Variants in NAALADL2 observed in about 807,000 individuals in gnomAD.
NAALADL2 encodes the protein inactive N-acetylated-alpha-linked acidic dipeptidase-like protein 2.
Under a neutral mutation model 87.2 loss-of-function variants are expected in NAALADL2, and 76 were observed. That is an observed-to-expected ratio of 0.87 (90% confidence interval 0.72 to 1.05). The LOEUF (loss-of-function observed/expected upper bound fraction) is 1.05, where lower values mean the gene tolerates loss of function less well. Among genes scored for constraint, NAALADL2 ranks in the 50% least tolerant of loss-of-function variants. The probability of loss-of-function intolerance (pLI) is 0.00; values close to 1 mark genes in which losing one functional copy is unlikely to be tolerated. For missense variants in NAALADL2, 1,089 were observed against 945.8 expected, an observed-to-expected ratio of 1.15 and a Z score of -1.99; for synonymous variants, 354 against 331.0, an observed-to-expected ratio of 1.07 and a Z score of -0.75.
intron 13 of NAALADL2, among the ~76,000 whole-genome samples, chr3:175,756,565 C>T (rs1747286797): frequency 6.6e-6 from 1 of 152,108 alleles, no homozygotes; most frequent in African/African-American, 2.4e-5. Flanking sequence ...AGTGAAATAA[C>T]TCTGAAACAG....
At chr3:174,722,047 A>T (rs1162450124) in intron 2 of NAALADL2, among the ~76,000 whole-genome samples, 1 of 152,178 alleles carries the variant, frequency 6.6e-6, no homozygotes, top group African/African-American at 2.4e-5. Flanking sequence ...GGAGCAAAAG[A>T]AGCCTATGGT....
At chr3:175,729,516 C>T (rs1301523154) in intron 11 of NAALADL2, among the ~76,000 whole-genome samples, 1 of 152,166 alleles carries the variant, frequency 6.6e-6, no homozygotes, top group African/African-American at 2.4e-5. Context: ...AGAAGCCATA[C>T]TTCAACCACT....
intron 11 of NAALADL2, among the ~76,000 whole-genome samples, chr3:175,698,403 G>A (rs1222914432): frequency 1.3e-5 from 1 of 74,250 alleles, no homozygotes; most frequent in Non-Finnish European, 2.4e-5. Flanking sequence ...ATATGTATGT[G>A]TATTTATGTA....
intron 2 of NAALADL2, among the ~76,000 whole-genome samples, chr3:174,700,785 T>C (rs1323724142): frequency 6.6e-6 from 1 of 152,158 alleles, no homozygotes; most frequent in Non-Finnish European, 1.5e-5. Flanking sequence ...TTATATGATA[T>C]AGAGTGACTT....
intron 2 of NAALADL2, among the ~76,000 whole-genome samples, chr3:174,714,617 G>A (rs1047150675): frequency 3.3e-5 from 5 of 152,164 alleles, no homozygotes; most frequent in African/African-American, 4.8e-5. Flanking sequence ...TTATTGTATA[G>A]GAATGCTTGT....
chr3:175,161,784 A>G (rs1733264017), intron 2 of NAALADL2, among the ~76,000 whole-genome samples: 1 of 152,118 alleles, frequency 6.6e-6, no homozygotes, highest in Admixed American at 6.6e-5. Flanking sequence ...ATATTGCCCT[A>G]TCATAAGGAA....
chr3:175,054,269 T>C (rs1041579807), intron 1 of NAALADL2, among the ~76,000 whole-genome samples: 6 of 152,226 alleles, frequency 3.9e-5, no homozygotes, highest in Non-Finnish European at 8.8e-5. Flanking sequence ...TGAAAATGCT[T>C]AGCAGGCTTC....
chr3:174,737,797 A>C (rs770154205), intron 3 of NAALADL2: 2 of 152,174 alleles, frequency 1.3e-5, no homozygotes, highest in Non-Finnish European at 2.9e-5. Context: ...TCTTGAATCA[A>C]CTTTTAATAA....
Position 175,700,484 on chromosome 3 carries a change from T to C in NAALADL2, c.1897-36822T>C, listed in dbSNP as rs191877350. On this transcript the variant is annotated intron_variant, in intron 11 of 13. Transcript: ENST00000454872. ...CTGTTCTGACAAAGGTAACTGCCTT[T>C]TCTGAAATGGAAGAATCTGATGATA... 3.5e-4 allele frequency among the ~76,000 whole-genome samples: 53 copies of C among 152,288 alleles called. 1 individual carries two copies. The East Asian group carries it at 9.7e-3, about 28-fold the overall frequency.
intron 5 of NAALADL2, among the ~76,000 whole-genome samples, chr3:175,446,045 C>T (rs974628551): frequency 2.0e-5 from 3 of 152,142 alleles, no homozygotes; most frequent in Admixed American, 6.5e-5. Flanking sequence ...GATTTATTGA[C>T]TGATGAATTT....
chr3:174,555,756 G>A (rs1712714967), intron 2 of NAALADL2, among the ~76,000 whole-genome samples: 1 of 152,138 alleles, frequency 6.6e-6, no homozygotes, highest in Admixed American at 6.5e-5. Context: ...GGGTATAGGG[G>A]ATGACTTCTC....
intron 9 of NAALADL2, among the ~76,000 whole-genome samples, chr3:175,574,642 G>A (rs1242253284): frequency 6.6e-6 from 1 of 152,088 alleles, no homozygotes; most frequent in African/African-American, 2.4e-5. Flanking sequence ...AATGGAAAAA[G>A]CTTTTTCTCA....
At chr3:175,706,668 G>C (rs918170462) in intron 11 of NAALADL2, among the ~76,000 whole-genome samples, 1 of 152,100 alleles carries the variant, frequency 6.6e-6, no homozygotes, top group Admixed American at 6.6e-5. Flanking sequence ...TACAAATTAT[G>C]TTTGTTGACC....
At chr3:174,882,200 C>T (rs1293516168) in intron 1 of NAALADL2, among the ~76,000 whole-genome samples, 1 of 151,938 alleles carries the variant, frequency 6.6e-6, no homozygotes, top group East Asian at 1.9e-4. Context: ...CACTTGTTCT[C>T]TTTGTATCTC....
At chr3:174,901,915 A>G (rs1174535275) in intron 1 of NAALADL2, among the ~76,000 whole-genome samples, 2 of 152,204 alleles carry the variant, frequency 1.3e-5, no homozygotes, top group Non-Finnish European at 2.9e-5. Context: ...GAAGAACAAG[A>G]GACTGTAAAT....
chr3:175,010,670 GT>G (rs905566990), intron 1 of NAALADL2, among the ~76,000 whole-genome samples: 16 of 152,246 alleles, frequency 1.1e-4, no homozygotes, highest in Admixed American at 9.2e-4. Flanking sequence ...ATGTGAAATA[GT>G]TTTGCTGATG....
At chr3:174,454,129 C>T (rs879827834) in intron 1 of NAALADL2, among the ~76,000 whole-genome samples, 2 of 151,952 alleles carry the variant, frequency 1.3e-5, no homozygotes, top group African/African-American at 4.8e-5. Context: ...TATAAGCCAA[C>T]AAAGATCAAA....
At chr3:174,614,248 T>G (rs1720226371) in intron 2 of NAALADL2, among the ~76,000 whole-genome samples, 1 of 152,166 alleles carries the variant, frequency 6.6e-6, no homozygotes, top group South Asian at 2.1e-4. Flanking sequence ...AGCTGTGCAT[T>G]AGTACTCTCC....
intron 2 of NAALADL2, among the ~76,000 whole-genome samples, chr3:175,188,337 A>G (rs1737645679): frequency 6.6e-6 from 1 of 152,122 alleles, no homozygotes. Flanking sequence ...AAGTGGAGCA[A>G]TCATCCCCTA....
Sources: gnomAD v4.1 joint callset for allele counts (sites outside exome capture counted in the v4.1 genomes callset) on GRCh38, gnomAD v4.1.1 for gene constraint, MANE v1.5 for transcripts, NCBI Gene and HGNC (gene_info 2026-07-23, HGNC 2026-07-21) for gene names.